FAM13A: variants seen among roughly 807,000 people sequenced by gnomAD.
FAM13A encodes the protein protein FAM13A.
In FAM13A, 76 loss-of-function variants were observed where a neutral mutation model predicts 129.6. That is an observed-to-expected ratio of 0.59 (90% confidence interval 0.49 to 0.71). The LOEUF (loss-of-function observed/expected upper bound fraction) is 0.71, where lower values mean the gene tolerates loss of function less well. FAM13A is among the 30% of genes least tolerant of loss of function. The pLI is 0.00. For missense variants in FAM13A, 1,108 were observed against 1,249.3 expected, an observed-to-expected ratio of 0.89 and a Z score of 1.70; for synonymous variants, 443 against 449.9, an observed-to-expected ratio of 0.98 and a Z score of 0.20.
chr4:88,852,553 T>C (rs1045361187), intron 6 of FAM13A, among the ~76,000 whole-genome samples: 2 of 152,214 alleles, frequency 1.3e-5, no homozygotes, highest in African/African-American at 2.4e-5. Flanking sequence ...GCCTGATACT[T>C]TAATCTAAGT....
At chr4:88,813,224 T>A (rs1730020962) in intron 7 of FAM13A, among the ~76,000 whole-genome samples, 2 of 152,122 alleles carry the variant, frequency 1.3e-5, no homozygotes, top group Non-Finnish European at 2.9e-5. Flanking sequence ...GGAAAAAAAA[T>A]TATTTCACTT....
intron 6 of FAM13A, among the ~76,000 whole-genome samples, chr4:88,897,369 A>T (rs1489064289): frequency 6.6e-6 from 1 of 152,152 alleles, no homozygotes; most frequent in Non-Finnish European, 1.5e-5. Context: ...TGTGTAATAG[A>T]TGTATCATCT....
intron 3 of FAM13A, among the ~76,000 whole-genome samples, chr4:89,007,540 C>T (rs1041544396): frequency 2.0e-5 from 3 of 152,180 alleles, no homozygotes; most frequent in Non-Finnish European, 4.4e-5. Context: ...GACCTTGAAC[C>T]AGAACTGCCC....
chr4:88,921,980 C>G (rs1212133162), intron 5 of FAM13A, among the ~76,000 whole-genome samples: 1 of 151,912 alleles, frequency 6.6e-6, no homozygotes, highest in African/African-American at 2.4e-5. Flanking sequence ...GTAAAGGGAT[C>G]AATTCAACAA....
At chr4:89,004,247 C>T (rs1350833467) in intron 3 of FAM13A, among the ~76,000 whole-genome samples, 2 of 152,094 alleles carry the variant, frequency 1.3e-5, no homozygotes, top group African/African-American at 2.4e-5. Flanking sequence ...CAAATAACTC[C>T]CGTGCTTCAG....
chr4:88,844,983 AAC>A (rs1210095958), intron 7 of FAM13A, among the ~76,000 whole-genome samples: 4 of 152,182 alleles, frequency 2.6e-5, no homozygotes, highest in African/African-American at 4.8e-5. Context: ...CTGAATGGGA[AAC>A]ACAGAACCAG....
chr4:88,850,971 A>G, intron 7 of FAM13A, 49 bp downstream of exon 7: 1 of 1,575,052 alleles, frequency 6.3e-7, no homozygotes. Context: ...CCTAAACATA[A>G]GAGCGAATAA....
chr4:88,896,487 T>C (rs987413390), intron 6 of FAM13A, among the ~76,000 whole-genome samples: 3 of 152,228 alleles, frequency 2.0e-5, no homozygotes, highest in African/African-American at 7.2e-5. Flanking sequence ...AAAAATTATA[T>C]GGTCACTAAC....
In FAM13A at chr4:88,737,323, G is replaced by A. The variant is rs548842596; in HGVS notation, c.2646+149C>T. 9.5e-5 allele frequency: 64 copies of A among 672,526 alleles called. 1 individual carries two copies. Among genetic ancestry groups the A allele is most frequent in the Non-Finnish European group, 1.6e-4 (59 of 372,730 alleles). The allele number at this position is 672,526 out of a possible 1,614,324, so 41.7% of individuals were successfully genotyped here. A position where few individuals can be genotyped will look rare whatever the true frequency, so the allele number is the denominator to read the frequency against. ...TCTTTAGAGGAACTGTTCAAAGTTG[G>A]TTATATGTAGCTACTGATTTTTAGG... On this transcript the variant is annotated intron_variant, in intron 21 of 23. Coordinates refer to ENST00000264344, the MANE Select transcript of FAM13A (RefSeq NM_014883.4).
chr4:88,748,017 G>C (rs1226412437), intron 17 of FAM13A, among the ~76,000 whole-genome samples, 166 bp from the exon 18 acceptor site: 1 of 152,182 alleles, frequency 6.6e-6, no homozygotes, highest in Non-Finnish European at 1.5e-5. Flanking sequence ...AGTCTCCTGA[G>C]TAGCTGGGAC....
At chr4:89,020,809 C>A (rs1158763798) in intron 2 of FAM13A, 140 bp from the exon 3 acceptor site, 9 of 646,486 alleles carry the variant, frequency 1.4e-5, no homozygotes, top group Non-Finnish European at 1.9e-5. Flanking sequence ...GTAATTTTCA[C>A]ATTTTGTAAA....
At chr4:88,953,816 G>T (rs1757320253) in intron 4 of FAM13A, among the ~76,000 whole-genome samples, 1 of 152,042 alleles carries the variant, frequency 6.6e-6, no homozygotes, top group Admixed American at 6.6e-5. Flanking sequence ...ATATTCTATT[G>T]TATGTATATA....
At chr4:88,800,459 C>A (rs537923255) in intron 8 of FAM13A, among the ~76,000 whole-genome samples, 1 of 152,064 alleles carries the variant, frequency 6.6e-6, no homozygotes, top group South Asian at 2.1e-4. Flanking sequence ...CCGAGGTGGG[C>A]AGATCACTTG....
chr4:88,794,231 T>C (rs753993104), intron 8 of FAM13A, among the ~76,000 whole-genome samples: 10 of 152,084 alleles, frequency 6.6e-5, no homozygotes, highest in Non-Finnish European at 1.0e-4. Flanking sequence ...CTCACTCATA[T>C]GCAGATCCCA....
At chr4:88,811,725 C>G (rs7697644) in intron 7 of FAM13A, among the ~76,000 whole-genome samples, 82,981 of 152,000 alleles carry the variant, frequency 0.55, 23,108 homozygotes, top group East Asian at 0.69. Context: ...AGGGAATCCT[C>G]GCTGAGACAT....
chr4:88,803,287 C>T (rs10012045), intron 8 of FAM13A, among the ~76,000 whole-genome samples: 68,361 of 151,902 alleles, frequency 0.45, 15,660 homozygotes, highest in East Asian at 0.69. Flanking sequence ...CTACCATAAA[C>T]GTGGGCCAGT....
intron 7 of FAM13A, 47 bp from the exon 8 acceptor site, chr4:88,805,099 A>T (rs376131493): frequency 2.7e-5 from 27 of 1,000,648 alleles, no homozygotes; most frequent in Non-Finnish European, 3.7e-5. Flanking sequence ...TGTTAATATG[A>T]CATGTCAATT....
chr4:88,744,537 T>C (rs1188920944), intron 19 of FAM13A, among the ~76,000 whole-genome samples: 1 of 152,176 alleles, frequency 6.6e-6, no homozygotes, highest in Non-Finnish European at 1.5e-5. Context: ...TAGTGCCCTT[T>C]TAAATCAGTA....
chr4:88,748,980 G>C lies in FAM13A; in HGVS notation c.2133C>G (p.Asp711Glu), dbSNP rs931253788. 1 of 1,613,974 alleles carries C rather than the reference G, an allele frequency of 6.2e-7. No individual in the cohort carries two copies. The highest frequency in any genetic ancestry group is 1.3e-5 in the African/African-American group (1 of 75,038). Residue 711 changes from aspartate (D) to glutamate (E), a missense_variant, in exon 17 of 24, where the codon GAC becomes GAG. Physicochemically the swap from Asp to Glu is conservative, Grantham distance 45. Around this residue, in one of 3 missense-constraint regions of FAM13A, gnomAD observed 529 missense variants for 621.2 expected, o/e 0.85. Coordinates refer to ENST00000264344, the MANE Select transcript of FAM13A (RefSeq NM_014883.4). ...TAAGTTGTCTCCGGAATTTGGCAAG[G>C]TCATTTGTCCATTTCAGAACCTCCG... ...ANPEVLKWTNDLAKFRRQLKE... is the reference protein window; with the variant it reads ...ANPEVLKWTNELAKFRRQLKE...
Sources: allele counts gnomAD v4.1 joint callset (sites outside exome capture counted in the v4.1 genomes callset), GRCh38; gene constraint gnomAD v4.1.1; regional missense constraint gnomAD v4.1.1; transcripts MANE v1.5; gene names NCBI Gene and HGNC (gene_info 2026-07-23, HGNC 2026-07-21).